Variants in IL17REL observed in about 807,000 individuals in gnomAD.
The protein encoded by IL17REL is interleukin 17 receptor E like, also known as interleukin-17 receptor E-like protein.
Under a neutral mutation model 49.0 loss-of-function variants are expected in IL17REL, and 36 were observed. That is an observed-to-expected ratio of 0.73 (90% CI 0.56 to 0.97). The LOEUF is 0.97. Ranked by LOEUF, IL17REL falls within the 50% of genes least tolerant of loss-of-function variation. The probability of loss-of-function intolerance (pLI) is 0.00; values close to 1 mark genes in which losing one functional copy is unlikely to be tolerated. For missense variants in IL17REL, 470 were observed against 453.9 expected, an observed-to-expected ratio of 1.04 and a Z score of -0.32; for synonymous variants, 206 against 192.4, an observed-to-expected ratio of 1.07 and a Z score of -0.58.
At chr22:49,997,155 A>T (rs1463774870) in intron 11 of IL17REL, 81 bp from the exon 14 acceptor site, 1 of 1,443,218 alleles carries the variant, frequency 6.9e-7, no homozygotes, top group African/African-American at 1.4e-5. Flanking sequence ...ACATCCTCTC[A>T]GCACCCACAA....
chr22:50,000,519 T>G, exon 4 of IL17REL: 1 of 1,613,554 alleles, frequency 6.2e-7, no homozygotes. Context: ...CCCGCAGAAA[T>G]GAGGGATGGT....
At position 49,999,286 on chromosome 22, in the gene IL17REL, C is replaced by G; in HGVS notation, c.601+5G>C. ...TTCCGCCCGTTGGCATCGCAGGACA[C>G]TTGCCGTTTTCAAAGGGGCAGATCT... On this transcript the variant is annotated splice_donor_5th_base_variant and intron_variant, in intron 7 of 12. Transcript: ENST00000341280. 1 of 1,613,024 alleles carries G rather than the reference C, an allele frequency of 6.2e-7. No individual in the cohort carries two copies. The highest frequency in any genetic ancestry group is 8.5e-7 in the Non-Finnish European group (1 of 1,180,008).
rs549525300 is a variant in IL17REL, at chr22:49,999,316, C to A, written c.576G>T (p.Arg192=). 2.0e-4 allele frequency: 316 copies of A among 1,613,016 alleles called. 5 individuals carry two copies. The South Asian group carries it at 3.4e-3, about 17-fold the overall frequency. The change falls in exon 7 of 13, where the codon CGG becomes CGT. Residue 192 remains arginine (R), a synonymous_variant. Transcript: ENST00000341280. ...CGTTTTCAAAGGGGCAGATCTGGAT[C>A]CGCACCGCGTCAGGGGTCGCAGACC...
chr22:50,000,882 C>A lies in IL17REL; in HGVS notation c.110-19G>T. The A allele has an allele frequency of 1.3e-6, 2 of 1,505,002 alleles. No individual in the cohort carries two copies. The highest frequency in any genetic ancestry group is 1.8e-6 in the Non-Finnish European group (2 of 1,128,086). The allele number at this position is 1,505,002 out of a possible 1,614,324, so 93.2% of individuals were successfully genotyped here. A position where few individuals can be genotyped will look rare whatever the true frequency, so the allele number is the denominator to read the frequency against. ...AGGCGCTCTGGGTGGAGGAAGGACC[C>A]GGCAGGGTGCATCAGAGCAGGGCCG... On this transcript the variant is annotated intron_variant, in intron 2 of 12. Transcript: ENST00000341280.
In IL17REL at chr22:49,999,430, C is replaced by T; in HGVS notation, c.546+1G>A. The T allele has an allele frequency of 6.2e-7, 1 of 1,612,526 alleles. No individual in the cohort carries two copies. Among genetic ancestry groups the T allele is most frequent in the Non-Finnish European group, 8.5e-7 (1 of 1,179,816 alleles). ...CAAGTCCAGGCCACACCTCCACCGA[C>T]CTCCAGGCACAGGCACGGCAGCTCC... is the stretch of plus-strand genomic sequence containing the variant. On this transcript the variant is annotated splice_donor_variant, in intron 6 of 12. Transcript: ENST00000341280. LOFTEE classifies it high-confidence loss of function.
At chr22:49,999,079 G>A (rs1453664871) in intron 7 of IL17REL, among the ~76,000 whole-genome samples, 2 of 148,404 alleles carry the variant, frequency 1.3e-5, no homozygotes, top group African/African-American at 5.0e-5. Flanking sequence ...GCTGGTCCAC[G>A]TGCGCACACA....
downstream of IL17REL, among the ~76,000 whole-genome samples, chr22:49,993,507 G>A (rs1269401830): frequency 2.0e-5 from 3 of 152,154 alleles, no homozygotes; most frequent in Non-Finnish European, 2.9e-5. The surrounding 1 kb of genome is among the most constrained non-coding windows in gnomAD (Gnocchi z 6.0). Flanking sequence ...GTGCTGGGGC[G>A]GCTGATCCGG....
upstream of IL17REL, among the ~76,000 whole-genome samples, chr22:50,009,447 G>A (rs1020921857): frequency 6.6e-6 from 1 of 152,312 alleles, no homozygotes; most frequent in Non-Finnish European, 1.5e-5. Flanking sequence ...CACCAACGGC[G>A]TGGGAGCTGA....
chr22:49,997,439 G>A lies in IL17REL; in HGVS notation c.878-23C>T, dbSNP rs778586177. On this transcript the variant is annotated intron_variant, in intron 10 of 12. Transcript: ENST00000341280. ...GGGCTGGACGAGAAGAAGGTGACCC[G>A]GAGGTGGCCCTTTGTGGGCGAAGGC... 1.2e-4 allele frequency: 189 copies of A among 1,607,436 alleles called. 1 individual carries two copies. In the South Asian group the frequency reaches 1.9e-3, roughly 16 times the overall value.
rs2061069940 is a variant in IL17REL at position 50,000,250 on chromosome 22, G to A, written c.334+228C>T. ...TCCTCCTCTCCGCAGTCTGCAAACC[G>A]CAGAGGCAATGGCGGGGTGCGGGCT... On this transcript the variant is annotated intron_variant, in intron 4 of 12. Transcript: ENST00000341280. 1.3e-5 allele frequency among the ~76,000 whole-genome samples: 2 copies of A among 152,362 alleles called. No homozygotes were observed. The highest frequency in any genetic ancestry group is 1.9e-4 in the East Asian group (1 of 5,182).
rs13054006 is a variant in IL17REL, at chr22:49,997,571, G to C, written c.877+114C>G. 8.3e-3 allele frequency: 11,453 copies of C among 1,385,262 alleles called. 76 individuals carry two copies. Among genetic ancestry groups the C allele is most frequent in the Admixed American group, 0.012 (680 of 56,862 alleles). 85.8% of individuals were successfully genotyped at this position (1,385,262 alleles called of 1,614,324 possible). On this transcript the variant is annotated intron_variant, in intron 10 of 12. Coordinates refer to ENST00000341280, the Ensembl canonical transcript of IL17REL. Reference sequence around the variant, plus strand: ...CCAGTGGGCCTGGCGCCTGCCCACTGTACCTCCCCCACACTGGCTTGGCAC... The same window carrying C: ...CCAGTGGGCCTGGCGCCTGCCCACTCTACCTCCCCCACACTGGCTTGGCAC...
At chr22:49,997,336 G>C (rs757697970) in exon 11 of IL17REL, 8 of 1,613,626 alleles carry the variant, frequency 5.0e-6, no homozygotes, top group South Asian at 3.3e-5. Context: ...TGAAGGGAGC[G>C]GGCTGGCCTG....
At chr22:50,001,150 G>T in exon 2 of IL17REL, 1 of 1,606,836 alleles carries the variant, frequency 6.2e-7, no homozygotes. Context: ...ACACTGCATG[G>T]CAGTGGAGGA....
downstream of IL17REL, among the ~76,000 whole-genome samples, chr22:49,992,587 C>T (rs1478621705): frequency 6.6e-6 from 1 of 152,206 alleles, no homozygotes; most frequent in Non-Finnish European, 1.5e-5. Context: ...AACACCATGC[C>T]TGGCCCCACC....
intron 7 of IL17REL, 84 bp downstream of exon 9, chr22:49,999,206 TC>T (rs2061058277): frequency 8.6e-6 from 13 of 1,503,016 alleles, no homozygotes; most frequent in Non-Finnish European, 1.2e-5. Context: ...CCTTATCTCA[TC>T]CCCCCACGTC....
intron 2 of IL17REL, 26 bp from the exon 4 acceptor site, chr22:50,000,889 G>A (rs1177513224): frequency 6.7e-7 from 1 of 1,492,244 alleles, no homozygotes; most frequent in Admixed American, 2.3e-5. Flanking sequence ...ACCCGGCAGG[G>A]TGCATCAGAG....
At chr22:49,997,330 G>A (rs1308012365) in exon 11 of IL17REL, 1 of 1,613,506 alleles carries the variant, frequency 6.2e-7, no homozygotes, top group Admixed American at 1.7e-5. Context: ...TGAGGCTGAA[G>A]GGAGCGGGCT....
At chr22:49,997,290 C>T (rs1299416492) in intron 11 of IL17REL, 30 bp downstream of exon 13, 7 of 1,604,318 alleles carry the variant, frequency 4.4e-6, no homozygotes, top group Non-Finnish European at 6.0e-6. Context: ...CCCCACCTCC[C>T]CAGGATGGAG....
rs181121019 is a variant in IL17REL, at chr22:50,004,610, T to G, written c.-41-3379A>C. On this transcript the variant is annotated intron_variant, in intron 1 of 12. Transcript: ENST00000341280. ...GAGGCCAACAACTCCCCTTTAATCC[T>G]AGCACTTTGGGAGGCCGAGGAGGGC... Among the ~76,000 whole-genome samples, 367 of 152,012 alleles carry G rather than the reference T, an allele frequency of 2.4e-3. 4 individuals carry two copies. The highest frequency in any genetic ancestry group is 0.016 in the East Asian group (85 of 5,162).
Sources: gnomAD v4.1 joint callset for allele counts (sites outside exome capture counted in the v4.1 genomes callset) on GRCh38, gnomAD v4.1.1 for gene constraint, Gnocchi (gnomAD v3.1) non-coding constraint, MANE v1.5 for transcripts, NCBI Gene and HGNC (gene_info 2026-07-23, HGNC 2026-07-21) for gene names.